Variants in PLSCR1 observed in about 807,000 individuals in gnomAD.
PLSCR1 encodes phospholipid scramblase 1.
In PLSCR1, 17 loss-of-function variants were observed where a neutral mutation model predicts 37.8. That is an observed-to-expected ratio of 0.45 (90% CI 0.31 to 0.68). The LOEUF is 0.68. Among genes scored for constraint, PLSCR1 ranks in the 30% least tolerant of loss-of-function variants. The pLI is 0.06. For synonymous variants in PLSCR1, 116 were observed against 125.9 expected (o/e 0.92, Z 0.53); for missense variants, 347 against 380.9 (o/e 0.91, Z 0.74).
intron 3 of PLSCR1, among the ~76,000 whole-genome samples, chr3:146,531,330 A>C (rs1049276714): frequency 5.3e-5 from 8 of 152,244 alleles, no homozygotes; most frequent in African/African-American, 1.9e-4. Context: ...GGAAAAGGCC[A>C]TCCTGAGTTT....
At position 146,517,054 on chromosome 3, in the gene PLSCR1, G is replaced by A. The variant is rs753535695; in HGVS notation, c.852C>T (p.Asp284=). ...TTACAGCTTTCATTTTAACATCAAG[G>A]TCTAAAGGGAACTGGATTCCAAAGT... ...ADNFGIQFPL[D]LDVKMKAVMI... Residue 284 remains aspartate (D), a synonymous_variant, in exon 8 of 9, where the codon GAC becomes GAT. Transcript: ENST00000342435. 2.5e-6 allele frequency: 4 copies of A among 1,603,620 alleles called. No homozygotes were observed. In the African/African-American group the frequency reaches 5.4e-5, roughly 22 times the overall value.
chr3:146,522,624 G>C (rs1288339862), intron 5 of PLSCR1, among the ~76,000 whole-genome samples: 4 of 152,186 alleles, frequency 2.6e-5, no homozygotes, highest in African/African-American at 9.7e-5. Context: ...GTGATAGTCT[G>C]AAATATGGCC....
chr3:146,538,700 C>T (rs1396173324), intron 1 of PLSCR1, among the ~76,000 whole-genome samples: 1 of 151,930 alleles, frequency 6.6e-6, no homozygotes, highest in Admixed American at 6.6e-5. Context: ...GAAACTTAGG[C>T]AAGTTTTTAT....
At position 146,529,797 on chromosome 3, in the gene PLSCR1, G is replaced by A. The variant is rs2044171410; in HGVS notation, c.95-966C>T. Among the ~76,000 whole-genome samples, 5 of 152,238 alleles carry A rather than the reference G, an allele frequency of 3.3e-5. No individual in the cohort carries two copies. The South Asian group carries it at 1.0e-3, about 32-fold the overall frequency. ...CAAAGTGCTGGGATTACAGGCGTGA[G>A]CCACCGCGCCCATTCGTTTAGTACA... On this transcript the variant is annotated intron_variant, in intron 3 of 8. Coordinates refer to ENST00000342435, the MANE Select transcript of PLSCR1 (RefSeq NM_021105.3).
intron 4 of PLSCR1, 53 bp from the exon 5 acceptor site, chr3:146,525,700 T>C (rs1361150343): frequency 3.3e-5 from 26 of 794,254 alleles, no homozygotes; most frequent in Non-Finnish European, 5.0e-5. Flanking sequence ...AAGGTTTTTA[T>C]AAGCTAACCA....
intron 5 of PLSCR1, 85 bp from the exon 6 acceptor site, chr3:146,522,138 A>G (rs1419168689): frequency 2.6e-5 from 21 of 796,976 alleles, no homozygotes; most frequent in Non-Finnish European, 3.0e-5. Flanking sequence ...TAGCTATGCC[A>G]GTTTTTGATG....
chr3:146,520,478 C>A (rs1405223275), intron 7 of PLSCR1, among the ~76,000 whole-genome samples: 1 of 152,070 alleles, frequency 6.6e-6, no homozygotes, highest in Non-Finnish European at 1.5e-5. Context: ...TTTATACATG[C>A]ATATTATGCA....
chr3:146,542,411 G>A (rs1321249162), intron 1 of PLSCR1, among the ~76,000 whole-genome samples: 1 of 152,110 alleles, frequency 6.6e-6, no homozygotes, highest in Non-Finnish European at 1.5e-5. Flanking sequence ...ATAGTATCCA[G>A]GATTGTGTAA....
At position 146,533,527 on chromosome 3, in the gene PLSCR1, G is replaced by A; in HGVS notation, c.37C>T (p.Pro13Ser). Residue 13 changes from proline to serine, a missense_variant, in exon 3 of 9, where the codon CCG becomes TCG. Transcript: ENST00000342435. The stretch of plus-strand genomic sequence containing the variant: ...TACCCAACTGGCAAGTTTGTTTCCG[G>A]GTGAGAAGCATTCATCTGTGAGTCT... ...KQNSQMNASH[P>S]ETNLPVGYPP... 1.2e-6 allele frequency: 2 copies of A among 1,605,626 alleles called. No individual in the cohort carries two copies. Among genetic ancestry groups the A allele is most frequent in the Non-Finnish European group, 1.7e-6 (2 of 1,173,652 alleles).
At chr3:146,541,011 T>C (rs1031973591) in intron 1 of PLSCR1, 9 of 151,976 alleles carry the variant, frequency 5.9e-5, no homozygotes, top group African/African-American at 2.2e-4. Context: ...TTAGAAAAAA[T>C]TGATACATTT....
intron 1 of PLSCR1, 40 bp from the exon 2 acceptor site, chr3:146,536,605 GC>G: frequency 8.1e-7 from 1 of 1,239,408 alleles, no homozygotes; most frequent in Non-Finnish European, 1.2e-6. Flanking sequence ...TGTCTACAAG[GC>G]CACAAGTCAA....
At chr3:146,521,027 A>G (rs2044011185) in intron 7 of PLSCR1, among the ~76,000 whole-genome samples, 1 of 152,178 alleles carries the variant, frequency 6.6e-6, no homozygotes, top group Admixed American at 6.5e-5. Context: ...CTAATTTAAT[A>G]TAGGGAAAAG....
intron 1 of PLSCR1, among the ~76,000 whole-genome samples, chr3:146,541,676 C>T (rs531197884): frequency 6.6e-6 from 1 of 152,328 alleles, no homozygotes; most frequent in South Asian, 2.1e-4. Context: ...TCAATTTACT[C>T]TTGTGCCACT....
At chr3:146,532,549 T>C (rs924690404) in intron 3 of PLSCR1, among the ~76,000 whole-genome samples, 2 of 152,224 alleles carry the variant, frequency 1.3e-5, no homozygotes, top group East Asian at 3.8e-4. Context: ...GTTGCAAACA[T>C]CTGGATGAGA....
intron 2 of PLSCR1, 71 bp downstream of exon 2, chr3:146,536,469 T>G (rs1028659670): frequency 1.3e-5 from 11 of 870,494 alleles, no homozygotes; most frequent in Non-Finnish European, 2.0e-5. Context: ...TAAAACATTA[T>G]GACAAATAAC....
intron 1 of PLSCR1, among the ~76,000 whole-genome samples, chr3:146,542,594 A>T (rs2044351234): frequency 6.6e-6 from 1 of 152,234 alleles, no homozygotes. Flanking sequence ...CTTTTACAGC[A>T]GCAGACAACA....
chr3:146,541,534 T>C (rs913844753), intron 1 of PLSCR1, among the ~76,000 whole-genome samples: 5 of 152,202 alleles, frequency 3.3e-5, no homozygotes, highest in Non-Finnish European at 7.3e-5. Flanking sequence ...ATTAAGATGA[T>C]TAATAATTCA....
At chr3:146,540,225 G>A (rs2044321645) in intron 1 of PLSCR1, among the ~76,000 whole-genome samples, 1 of 152,156 alleles carries the variant, frequency 6.6e-6, no homozygotes, top group Admixed American at 6.6e-5. Flanking sequence ...TATGAACACA[G>A]AACTTCAAAT....
rs1013509630 is a variant in PLSCR1 at position 146,516,890 on chromosome 3, C to T, written c.900+116G>A. On this transcript the variant is annotated intron_variant, in intron 8 of 8. Coordinates refer to ENST00000342435, the MANE Select transcript of PLSCR1 (RefSeq NM_021105.3). Reference sequence around the variant, plus strand: ...TCAGAGCTAGGATTAAATGGGAATCCTGATTTAAAATCTATAAATTTTAAA... The same window carrying T: ...TCAGAGCTAGGATTAAATGGGAATCTTGATTTAAAATCTATAAATTTTAAA... 25 of 735,140 alleles carry T rather than the reference C, an allele frequency of 3.4e-5. No individual in the cohort carries two copies. The African/African-American group carries it at 4.5e-4, about 13-fold the overall frequency. 45.5% of individuals were successfully genotyped at this position (735,140 alleles called of 1,614,324 possible). A position where few individuals can be genotyped will look rare whatever the true frequency, so the allele number is the denominator to read the frequency against.
Sources: gnomAD v4.1 joint callset for allele counts (sites outside exome capture counted in the v4.1 genomes callset) on GRCh38, gnomAD v4.1.1 for gene constraint, MANE v1.5 for transcripts, NCBI Gene and HGNC (gene_info 2026-07-23, HGNC 2026-07-21) for gene names.